Variants in SH3RF1 observed in about 807,000 individuals in gnomAD.
SH3RF1 encodes the protein E3 ubiquitin-protein ligase SH3RF1.
SH3RF1 carries 32 observed loss-of-function variants against 74.0 expected under a neutral mutation model. The observed-to-expected ratio is 0.43, with a 90% CI of 0.33 to 0.58. The LOEUF (loss-of-function observed/expected upper bound fraction) is 0.58, where lower values mean the gene tolerates loss of function less well. Among genes scored for constraint, SH3RF1 ranks in the 20% least tolerant of loss-of-function variants. The pLI, the probability that SH3RF1 is intolerant of heterozygous loss-of-function variation, is 0.05. For synonymous variants in SH3RF1, 396 were observed against 439.6 expected, an observed-to-expected ratio of 0.90 and a Z score of 1.24; for missense variants, 954 against 1,130.9, an observed-to-expected ratio of 0.84 and a Z score of 2.24.
chr4:169,209,259 A>T (rs1371315844), intron 2 of SH3RF1, among the ~76,000 whole-genome samples: 1 of 151,868 alleles, frequency 6.6e-6, no homozygotes, highest in Non-Finnish European at 1.5e-5. Context: ...ACTGCACTCC[A>T]GCCTGAGTGA....
intron 2 of SH3RF1, among the ~76,000 whole-genome samples, chr4:169,190,703 C>G (rs1734688416): frequency 6.6e-6 from 1 of 151,936 alleles, no homozygotes; most frequent in South Asian, 2.1e-4. Flanking sequence ...AAAGAGGGAA[C>G]CCTCCCTAAA....
Position 169,237,292 on chromosome 4 carries a change from A to T in SH3RF1, c.393+31528T>A, listed in dbSNP as rs187449317. 1.8e-4 allele frequency among the ~76,000 whole-genome samples: 27 copies of T among 152,348 alleles called. No individual in the cohort carries two copies. In the East Asian group the frequency reaches 5.0e-3, roughly 28 times the overall value. The stretch of plus-strand genomic sequence containing the variant: ...AGACTCATGGATTATTTTCAAAAGC[A>T]TTAATTTTCCAAAGGTGACTTTCAC... On this transcript the variant is annotated intron_variant, in intron 2 of 11. Transcript: ENST00000284637.
intron 2 of SH3RF1, among the ~76,000 whole-genome samples, chr4:169,208,962 C>T (rs1226477854): frequency 6.6e-6 from 1 of 151,910 alleles, no homozygotes; most frequent in Non-Finnish European, 1.5e-5. Context: ...GAAAATGAGA[C>T]AAAAGATGAA....
At chr4:169,119,509 T>A (rs1427034463) in intron 8 of SH3RF1, among the ~76,000 whole-genome samples, 1 of 152,136 alleles carries the variant, frequency 6.6e-6, no homozygotes, top group Non-Finnish European at 1.5e-5. Context: ...TTTTCCTTCA[T>A]TAACTTTATT....
At chr4:169,209,440 A>G (rs1730321820) in intron 2 of SH3RF1, among the ~76,000 whole-genome samples, 2 of 152,144 alleles carry the variant, frequency 1.3e-5, no homozygotes, top group African/African-American at 4.8e-5. Context: ...GAACTCTCCT[A>G]CTACATTCCT....
Position 169,167,729 on chromosome 4 carries a change from G to A in SH3RF1, c.394-11050C>T, listed in dbSNP as rs539220358. 3.3e-5 allele frequency among the ~76,000 whole-genome samples: 5 copies of A among 152,266 alleles called. No individual in the cohort carries two copies. In the South Asian group the frequency reaches 1.0e-3, roughly 32 times the overall value. ...AGGAGGTGGGCAAATGAGTGAAAGA[G>A]GGTGTGAGGGAAATTTCTGAGACTA... On this transcript the variant is annotated intron_variant, in intron 2 of 11. Coordinates refer to ENST00000284637, the MANE Select transcript of SH3RF1 (RefSeq NM_020870.4).
chr4:169,105,436 G>A (rs1254389491), intron 11 of SH3RF1, among the ~76,000 whole-genome samples: 2 of 152,140 alleles, frequency 1.3e-5, no homozygotes, highest in Non-Finnish European at 2.9e-5. Flanking sequence ...GAACCCCAGT[G>A]GGGTATCAAA....
intron 6 of SH3RF1, among the ~76,000 whole-genome samples, chr4:169,127,214 T>C (rs561944451): frequency 7.2e-5 from 11 of 152,354 alleles, no homozygotes; most frequent in African/African-American, 2.2e-4. Flanking sequence ...ACATGTGAAA[T>C]GTATGGGACA....
Position 169,116,613 on chromosome 4 carries a change from C to G in SH3RF1, c.1795G>C (p.Glu599Gln), listed in dbSNP as rs777019485. 16 of 1,545,584 alleles carry G rather than the reference C, an allele frequency of 1.0e-5. No individual in the cohort carries two copies. Among genetic ancestry groups the G allele is most frequent in the Non-Finnish European group, 1.4e-5 (16 of 1,142,280 alleles). ...AVRTVAAHNQERPTAAVTPIQ... is the reference protein window; with the variant it reads ...AVRTVAAHNQQRPTAAVTPIQ... ...GGTGTCACTGCTGCCGTGGGGCGTT[C>G]CTGGTTGTGCGCTGCAACTAGTAGA... The change falls in exon 10 of 12, where the codon GAA becomes CAA. Residue 599 changes from glutamate to glutamine, a missense_variant. Transcript: ENST00000284637.
intron 2 of SH3RF1, among the ~76,000 whole-genome samples, chr4:169,225,530 T>G (rs1474205286): frequency 6.6e-6 from 1 of 152,072 alleles, no homozygotes; most frequent in Admixed American, 6.6e-5. Flanking sequence ...AAAGCACAGA[T>G]GTAAAGGAGG....
intron 2 of SH3RF1, among the ~76,000 whole-genome samples, chr4:169,267,709 T>C (rs1731375765): frequency 1.3e-5 from 2 of 152,222 alleles, no homozygotes; most frequent in Non-Finnish European, 2.9e-5. Context: ...GAGAAAGTAG[T>C]AGGAAAACTA....
intron 2 of SH3RF1, among the ~76,000 whole-genome samples, chr4:169,170,443 G>A (rs185990381): frequency 3.3e-5 from 5 of 152,036 alleles, no homozygotes; most frequent in African/African-American, 9.6e-5. Context: ...ATTAATAATC[G>A]GAATACTTTT....
Position 169,117,628 on chromosome 4 carries a change from C to T in SH3RF1, c.1672G>A (p.Ala558Thr), listed in dbSNP as rs1579090232. ...VAGSPSVVPA[A>T]VVSAAHIQTS... is the part of the protein sequence containing the mutation. ...TGGATGTGAGCTGCTGATACCACAG[C>T]TGCGGGGACAACACTGGGACTCCCA... is the stretch of plus-strand genomic sequence containing the variant. The change falls in exon 9 of 12, where the codon GCT becomes ACT. Residue 558 changes from alanine (A) to threonine (T), a missense_variant. By Grantham distance (58) the Ala-to-Thr change is moderately conservative. Transcript: ENST00000284637. 6.2e-7 allele frequency: 1 copy of T among 1,614,208 alleles called. No homozygotes were observed. The highest frequency in any genetic ancestry group is 2.2e-5 in the East Asian group (1 of 44,880).
At chr4:169,224,944 A>T (rs564005397) in intron 2 of SH3RF1, among the ~76,000 whole-genome samples, 1 of 152,330 alleles carries the variant, frequency 6.6e-6, no homozygotes, top group East Asian at 1.9e-4. Flanking sequence ...CTCATTCTGT[A>T]ACAGGGTGCC....
chr4:169,161,658 G>A lies in SH3RF1; in HGVS notation c.394-4979C>T, dbSNP rs546836244. On this transcript the variant is annotated intron_variant, in intron 2 of 11. Coordinates refer to ENST00000284637, the MANE Select transcript of SH3RF1 (RefSeq NM_020870.4). ...TGCTCCATAAAGTAAAAAAGATTCA[G>A]TGACCTCCTAAAAAGAAAATCTAGA... Among the ~76,000 whole-genome samples, 64 of 152,258 alleles carry A rather than the reference G, an allele frequency of 4.2e-4. 1 individual carries two copies. The Middle Eastern group carries it at 0.024, about 57-fold the overall frequency.
At chr4:169,251,728 A>T (rs147923439) in intron 2 of SH3RF1, among the ~76,000 whole-genome samples, 157 of 152,362 alleles carry the variant, frequency 1.0e-3, no homozygotes, top group African/African-American at 2.6e-3. Context: ...TAAGGAATGC[A>T]TCAGTGACAT....
rs923369458 is a variant in SH3RF1 at position 169,268,932 on chromosome 4, G to C, written c.281C>G (p.Thr94Arg). Residue 94 changes from threonine (T) to arginine (R), a missense_variant, in exon 2 of 12, where the codon ACA becomes AGA. By Grantham distance (71) the Thr-to-Arg change is moderately conservative (BLOSUM62 -1). This residue lies in a region of SH3RF1 where 854 missense variants were observed against 962.5 expected (regional missense o/e 0.89). Transcript: ENST00000284637. The part of the protein sequence containing the change: ...GPGGGSGTNC[T>R]NALRSQSSTV... ...GCTGCTCTGAGACCTTAATGCATTTGTGCAGTTGGTCCCACTTCCCCCACC... is the reference window on the plus strand; with the variant it reads ...GCTGCTCTGAGACCTTAATGCATTTCTGCAGTTGGTCCCACTTCCCCCACC... 2.5e-6 allele frequency: 4 copies of C among 1,614,136 alleles called. No individual in the cohort carries two copies. Among genetic ancestry groups the C allele is most frequent in the East Asian group, 2.2e-5 (1 of 44,894 alleles).
intron 2 of SH3RF1, among the ~76,000 whole-genome samples, chr4:169,178,260 CA>C (rs561333698): frequency 1.6e-3 from 97 of 61,790 alleles, no homozygotes; most frequent in African/African-American, 2.9e-3. Flanking sequence ...AACAAATAAA[CA>C]AAAAAAAAAA....
intron 2 of SH3RF1, chr4:169,220,486 T>A (rs1392058945): frequency 1.3e-5 from 2 of 152,222 alleles, no homozygotes; most frequent in African/African-American, 4.8e-5. Context: ...TTAGAGTGCA[T>A]ATTTTGGCAA....
Sources: gnomAD v4.1 joint callset for allele counts (sites outside exome capture counted in the v4.1 genomes callset) on GRCh38, gnomAD v4.1.1 for gene constraint, gnomAD v4.1.1 regional missense constraint, MANE v1.5 for transcripts, NCBI Gene and HGNC (gene_info 2026-07-23, HGNC 2026-07-21) for gene names.